NRXN3: variants seen among roughly 807,000 people sequenced by gnomAD.
NRXN3 encodes the protein neurexin III.
Under a neutral mutation model 137.6 loss-of-function variants are expected in NRXN3, and 32 were observed. The ratio of observed to expected loss-of-function variants is 0.23; its 90% CI spans 0.18 to 0.31. The LOEUF (loss-of-function observed/expected upper bound fraction) is 0.31, where lower values mean the gene tolerates loss of function less well. Ranked by LOEUF, NRXN3 falls within the 10% of genes least tolerant of loss-of-function variation. NRXN3 has a pLI of 1.00. For synonymous variants in NRXN3, 798 were observed against 784.5 expected, an observed-to-expected ratio of 1.02 and a Z score of -0.29; for missense variants, 1,574 against 2,062.5, an observed-to-expected ratio of 0.76 and a Z score of 4.59.
Position 79,102,814 on chromosome 14 carries a change from G to GA in NRXN3, c.3262+114677dup, listed in dbSNP as rs1357118033. 2.0e-5 allele frequency among the ~76,000 whole-genome samples: 3 copies of GA among 152,128 alleles called. No individual in the cohort carries two copies. The East Asian group carries it at 5.8e-4, about 29-fold the overall frequency. On this transcript the variant is annotated intron_variant, in intron 15 of 20. Coordinates refer to ENST00000335750, the MANE Select transcript of NRXN3 (RefSeq NM_001330195.2). ...TTATGATAAATTACATGGTAGGTTT[G>GA]AAAAGAGGGGTTGGCATGCATGATT...
intron 16 of NRXN3, among the ~76,000 whole-genome samples, chr14:79,586,840 T>C (rs1158425625): frequency 6.6e-6 from 1 of 152,244 alleles, no homozygotes; most frequent in Non-Finnish European, 1.5e-5. Flanking sequence ...GTAGTAGCTA[T>C]TCATATTCAT....
rs1432993345 is a variant in NRXN3 at position 78,295,225 on chromosome 14, TC to T, written c.728-2600del. Among the ~76,000 whole-genome samples the T allele has an allele frequency of 3.3e-5, 5 of 152,260 alleles. No homozygotes were observed. In the East Asian group the frequency reaches 5.8e-4, roughly 18 times the overall value. On this transcript the variant is annotated intron_variant, in intron 3 of 20. Transcript: ENST00000335750. ...AACCGTATTATGGTTACATGGTTTC[TC>T]CCCCCAGTCCTGTTTCCTGTCACAC...
At chr14:79,236,818 G>A (rs1194764105) in intron 15 of NRXN3, among the ~76,000 whole-genome samples, 2 of 152,218 alleles carry the variant, frequency 1.3e-5, no homozygotes, top group South Asian at 2.1e-4. Context: ...GGGAGGCTGA[G>A]GTGGGAGGAT....
chr14:78,554,209 A>T (rs1306621146), intron 4 of NRXN3, among the ~76,000 whole-genome samples: 2 of 152,180 alleles, frequency 1.3e-5, no homozygotes, highest in Non-Finnish European at 2.9e-5. Context: ...AGGATGACTG[A>T]GGTGAGCAAG....
intron 8 of NRXN3, among the ~76,000 whole-genome samples, chr14:78,756,164 A>C: frequency 6.6e-6 from 1 of 152,276 alleles, no homozygotes; most frequent in Non-Finnish European, 1.5e-5. Context: ...ATATCCAAGA[A>C]AAACCATTTT....
intron 15 of NRXN3, among the ~76,000 whole-genome samples, chr14:79,109,518 A>C (rs2053086515): frequency 6.6e-6 from 1 of 152,204 alleles, no homozygotes; most frequent in African/African-American, 2.4e-5. Flanking sequence ...TTTTATTGTC[A>C]TACATGAAGG....
chr14:78,238,144 CCCCACCACACCACCCTG>C (rs2066574430), intron 1 of NRXN3, among the ~76,000 whole-genome samples: 2 of 150,978 alleles, frequency 1.3e-5, no homozygotes, highest in Admixed American at 1.3e-4. Context: ...TGTGAGCCCC[CCCCACCACACCACCCTG>C]CCCCCTCCTA....
chr14:78,728,743 C>CA (rs1245003812), intron 8 of NRXN3, among the ~76,000 whole-genome samples: 5 of 151,710 alleles, frequency 3.3e-5, no homozygotes, highest in Non-Finnish European at 5.9e-5. Context: ...CTAAAAATAC[C>CA]AAAAAAATTA....
At chr14:78,561,174 T>C (rs935340872) in intron 4 of NRXN3, among the ~76,000 whole-genome samples, 11 of 152,304 alleles carry the variant, frequency 7.2e-5, no homozygotes, top group African/African-American at 2.4e-4. Context: ...CATGAGTCTT[T>C]AGGGTTTTCT....
chr14:78,246,146 C>T (rs535394150), intron 2 of NRXN3, among the ~76,000 whole-genome samples: 7 of 152,218 alleles, frequency 4.6e-5, no homozygotes, highest in African/African-American at 1.7e-4. Context: ...GCTGATTATC[C>T]CTGATTGCAT....
chr14:79,373,291 C>G (rs560597427), intron 15 of NRXN3, among the ~76,000 whole-genome samples: 1 of 152,136 alleles, frequency 6.6e-6, no homozygotes, highest in South Asian at 2.1e-4. Context: ...ATGGAAAACA[C>G]TCTATCAATT....
intron 4 of NRXN3, among the ~76,000 whole-genome samples, chr14:78,577,684 C>T (rs2096950802): frequency 2.6e-5 from 4 of 152,066 alleles, no homozygotes; most frequent in Admixed American, 6.5e-5. Context: ...AGGCTGGTCT[C>T]GAACTCCTGA....
chr14:78,789,375 T>C (rs1595876848), intron 8 of NRXN3, among the ~76,000 whole-genome samples: 1 of 152,290 alleles, frequency 6.6e-6, no homozygotes, highest in East Asian at 1.9e-4. Flanking sequence ...CATTTGGAAA[T>C]GTCTGGAGAT....
chr14:78,672,381 G>A (rs1174083399), intron 6 of NRXN3, among the ~76,000 whole-genome samples: 3 of 152,158 alleles, frequency 2.0e-5, no homozygotes, highest in African/African-American at 7.2e-5. Flanking sequence ...TGTATCTCCA[G>A]GGCCAGGCAC....
chr14:78,633,938 A>T (rs937874327), intron 4 of NRXN3, among the ~76,000 whole-genome samples: 1 of 152,206 alleles, frequency 6.6e-6, no homozygotes, highest in Non-Finnish European at 1.5e-5. Context: ...CTAACAAAGG[A>T]GGAGCTGGGC....
At chr14:78,636,836 A>C (rs116494201) in intron 4 of NRXN3, among the ~76,000 whole-genome samples, 1 of 151,774 alleles carries the variant, frequency 6.6e-6, no homozygotes, top group Non-Finnish European at 1.5e-5. Context: ...TTTATTTTTT[A>C]TTTTTTTAGC....
intron 4 of NRXN3, among the ~76,000 whole-genome samples, chr14:78,363,544 AATTAC>A (rs1445215190): frequency 1.3e-5 from 2 of 152,298 alleles, no homozygotes; most frequent in Admixed American, 1.3e-4. Context: ...AGGTTGATTA[AATTAC>A]TCATACAGTT....
intron 15 of NRXN3, among the ~76,000 whole-genome samples, chr14:79,331,074 T>C (rs1431188037): frequency 6.6e-6 from 1 of 152,344 alleles, no homozygotes; most frequent in South Asian, 2.1e-4. Flanking sequence ...CCTTTACAGA[T>C]GCAGTCTAGG....
At chr14:79,690,840 C>G (rs891091274) in intron 17 of NRXN3, among the ~76,000 whole-genome samples, 1 of 152,056 alleles carries the variant, frequency 6.6e-6, no homozygotes, top group African/African-American at 2.4e-5. Context: ...TTAGCATGCC[C>G]CTATTCATTT....
Sources: allele counts gnomAD v4.1 joint callset (sites outside exome capture counted in the v4.1 genomes callset), GRCh38; gene constraint gnomAD v4.1.1; transcripts MANE v1.5; gene names NCBI Gene and HGNC (gene_info 2026-07-23, HGNC 2026-07-21).